Variants in NPAT observed in about 807,000 individuals in gnomAD.
The protein encoded by NPAT is nuclear protein, coactivator of histone transcription.
In NPAT, 52 loss-of-function variants were observed where a neutral mutation model predicts 130.7. That is an observed-to-expected ratio of 0.40 (90% confidence interval 0.32 to 0.50). The LOEUF is 0.50. Among genes scored for constraint, NPAT ranks in the 20% least tolerant of loss-of-function variants. NPAT has a pLI of 0.68. For synonymous variants in NPAT, 580 were observed against 584.8 expected, an observed-to-expected ratio of 0.99 and a Z score of 0.12; for missense variants, 1,687 against 1,662.6, an observed-to-expected ratio of 1.01 and a Z score of -0.26.
chr11:108,182,473 A>G (rs748920586), intron 10 of NPAT, among the ~76,000 whole-genome samples: 12 of 152,124 alleles, frequency 7.9e-5, no homozygotes, highest in Non-Finnish European at 1.6e-4. Flanking sequence ...AATTCCCTAT[A>G]CTGTCTTAAA....
At position 108,190,620 on chromosome 11, in the gene NPAT, G is replaced by C. The variant is rs960587475; in HGVS notation, c.291-120C>G. 40 of 796,206 alleles carry C rather than the reference G, an allele frequency of 5.0e-5. No individual in the cohort carries two copies. The South Asian group carries it at 5.8e-4, about 11-fold the overall frequency. 49.3% of individuals were successfully genotyped at this position (796,206 alleles called of 1,614,324 possible). A position where few individuals can be genotyped will look rare whatever the true frequency, so the allele number is the denominator to read the frequency against. On this transcript the variant is annotated intron_variant, in intron 4 of 17. Coordinates refer to ENST00000278612, the MANE Select transcript of NPAT (RefSeq NM_002519.3). ...GGTAAAAGGCAAAAAATCTCTCTCAGACAAAAAAGACAAACACACACATTT... is the reference window on the plus strand; with the variant it reads ...GGTAAAAGGCAAAAAATCTCTCTCACACAAAAAAGACAAACACACACATTT...
rs1481729052 is a variant in NPAT at position 108,218,913 on chromosome 11, TAAAC to T, written c.37+3583_37+3586del. Among the ~76,000 whole-genome samples, 7 of 152,322 alleles carry T rather than the reference TAAAC, an allele frequency of 4.6e-5. No homozygotes were observed. In the South Asian group the frequency reaches 6.2e-4, roughly 14 times the overall value. On this transcript the variant is annotated intron_variant, in intron 1 of 17. Coordinates refer to ENST00000278612, the MANE Select transcript of NPAT (RefSeq NM_002519.3). ...AGCAATGAGTACATATATTATTAAATAAACAAAGGAGTGTCATAATCAGAGCCAT... is the reference window on the plus strand; with the variant it reads ...AGCAATGAGTACATATATTATTAAATAAAGGAGTGTCATAATCAGAGCCAT...
At chr11:108,188,226 T>C (rs778924126) in intron 6 of NPAT, 47 bp from the exon 7 acceptor site, 1 of 1,373,564 alleles carries the variant, frequency 7.3e-7, no homozygotes, top group Non-Finnish European at 1.0e-6. Flanking sequence ...ACTGAATAGT[T>C]TTCTAAACTT....
Position 108,159,003 on chromosome 11 carries a change from C to A in NPAT, c.4223G>T (p.Ser1408Ile). 1 of 1,606,580 alleles carries A rather than the reference C, an allele frequency of 6.2e-7. No homozygotes were observed. Among genetic ancestry groups the A allele is most frequent in the Non-Finnish European group, 8.5e-7 (1 of 1,176,684 alleles). The change falls in exon 18 of 18, where the codon AGT (serine) becomes ATT (isoleucine). Residue 1408 changes from serine to isoleucine, a missense_variant. Physicochemically the swap from Ser to Ile is moderately radical, Grantham distance 142. Around this residue, in one of 3 missense-constraint regions of NPAT, gnomAD observed 1,379 missense variants for 1,346.6 expected, o/e 1.02. Coordinates refer to ENST00000278612, the MANE Select transcript of NPAT (RefSeq NM_002519.3). ...KKKIKKKKLP[S>I]SFPAGMDVDK... Reference sequence around the variant, plus strand: ...TACATCCATTCCTGCTGGAAATGAACTGGGAAGCTTCTTTTTCTGTTGAAA... The same window carrying A: ...TACATCCATTCCTGCTGGAAATGAAATGGGAAGCTTCTTTTTCTGTTGAAA...
chr11:108,162,534 A>G (rs1045049839), intron 15 of NPAT, among the ~76,000 whole-genome samples: 3 of 152,208 alleles, frequency 2.0e-5, no homozygotes, highest in Admixed American at 6.5e-5. Context: ...AGGTTCAAGC[A>G]ATTCTCCTGC....
intron 8 of NPAT, 117 bp downstream of exon 8, chr11:108,186,365 A>G: frequency 1.3e-6 from 1 of 775,166 alleles, no homozygotes; most frequent in Non-Finnish European, 2.2e-6. Flanking sequence ...ACAGATATCT[A>G]TAAACTTACT....
intron 1 of NPAT, among the ~76,000 whole-genome samples, chr11:108,202,102 A>G (rs1183986139): frequency 6.6e-6 from 1 of 152,180 alleles, no homozygotes; most frequent in Non-Finnish European, 1.5e-5. Context: ...AAGCAAAGGG[A>G]AAGCAGTTAA....
At chr11:108,197,231 G>A (rs2078231194) in intron 2 of NPAT, 71 bp downstream of exon 2, 3 of 1,099,772 alleles carry the variant, frequency 2.7e-6, no homozygotes, top group Non-Finnish European at 2.8e-6. Flanking sequence ...TTTCTGATAA[G>A]CTGATTTTAT....
Position 108,173,360 on chromosome 11 carries a change from C to G in NPAT, c.1624G>C (p.Gly542Arg). The change falls in exon 13 of 18, where the codon GGA becomes CGA. Residue 542 changes from glycine (G) to arginine (R), a missense_variant. Gly to Arg is a moderately radical substitution (Grantham distance 125). This residue lies in a region of NPAT where 1,379 missense variants were observed against 1,346.6 expected (regional missense o/e 1.02). Transcript: ENST00000278612. The part of the protein sequence containing the change: ...QLLSQDTSLT[G>R]KPSKKSQFCE... ...AATTGACTTTTTTTAGATGGCTTTC[C>G]AGTTAATGAAGTATCTTGGGATAAA... is the stretch of plus-strand genomic sequence containing the variant. 3.1e-6 allele frequency: 5 copies of G among 1,613,464 alleles called. No homozygotes were observed. The highest frequency in any genetic ancestry group is 4.2e-6 in the Non-Finnish European group (5 of 1,179,570).
At chr11:108,214,001 C>T (rs1172223551) in intron 1 of NPAT, among the ~76,000 whole-genome samples, 1 of 152,150 alleles carries the variant, frequency 6.6e-6, no homozygotes, top group Non-Finnish European at 1.5e-5. Flanking sequence ...GATCCTCCCA[C>T]TTCAGCCAAC....
intron 1 of NPAT, among the ~76,000 whole-genome samples, chr11:108,218,518 T>C (rs937879023): frequency 2.6e-5 from 4 of 152,242 alleles, no homozygotes; most frequent in African/African-American, 7.2e-5. Flanking sequence ...TGTTGTCTTA[T>C]ATTACTAGAT....
intron 13 of NPAT, chr11:108,171,878 C>A: frequency 8.1e-6 from 2 of 245,928 alleles, no homozygotes; most frequent in Non-Finnish European, 1.6e-5. Context: ...TAAAAACTCC[C>A]CCACAACATT....
intron 1 of NPAT, among the ~76,000 whole-genome samples, chr11:108,215,355 C>G (rs1205028358): frequency 6.6e-6 from 1 of 152,076 alleles, no homozygotes; most frequent in Non-Finnish European, 1.5e-5. Flanking sequence ...AAGGGAACAA[C>G]ACACACTGGG....
chr11:108,180,809 C>A (rs1423930544), intron 10 of NPAT, among the ~76,000 whole-genome samples: 1 of 152,184 alleles, frequency 6.6e-6, no homozygotes, highest in Non-Finnish European at 1.5e-5. Flanking sequence ...TCCATTGATA[C>A]ATGAATGGAT....
intron 10 of NPAT, among the ~76,000 whole-genome samples, chr11:108,179,814 AAAAAG>A (rs1211063635): frequency 6.6e-6 from 1 of 152,088 alleles, no homozygotes; most frequent in Non-Finnish European, 1.5e-5. Context: ...AAAATAAAAT[AAAAAG>A]AAATCATAAG....
intron 1 of NPAT, 109 bp downstream of exon 1, chr11:108,222,391 G>C: frequency 8.6e-7 from 1 of 1,164,576 alleles, no homozygotes; most frequent in Non-Finnish European, 1.3e-6. Flanking sequence ...TCGTAAGCTG[G>C]GAGGCAAAAC....
chr11:108,221,820 A>G (rs1591426806), intron 1 of NPAT, among the ~76,000 whole-genome samples: 1 of 152,326 alleles, frequency 6.6e-6, no homozygotes, highest in East Asian at 1.9e-4. Flanking sequence ...CAGACAAGTG[A>G]CCCACAAACA....
chr11:108,162,856 C>A (rs1159106778), intron 15 of NPAT, among the ~76,000 whole-genome samples: 1 of 152,178 alleles, frequency 6.6e-6, no homozygotes, highest in Non-Finnish European at 1.5e-5. Flanking sequence ...TTTTAAAATT[C>A]TGTCCCGGTA....
chr11:108,172,318 A>G lies in NPAT; in HGVS notation c.2666T>C (p.Val889Ala), dbSNP rs781544830. 9 of 1,614,064 alleles carry G rather than the reference A, an allele frequency of 5.6e-6. No homozygotes were observed. The highest frequency in any genetic ancestry group is 7.6e-6 in the Non-Finnish European group (9 of 1,180,028). ...CATAGGTGCAGAATTTCCAGGCAACACCACTACATTAGACTGACTTACAGA... is the reference window on the plus strand; with the variant it reads ...CATAGGTGCAGAATTTCCAGGCAACGCCACTACATTAGACTGACTTACAGA... ...GTSVSQSNVV[V>A]LPGNSAPMTA... The change falls in exon 13 of 18, where the codon GTG (valine) becomes GCG (alanine). Residue 889 changes from valine to alanine, a missense_variant. Physicochemically the swap from Val to Ala is moderately conservative, Grantham distance 64. This residue lies in a region of NPAT where 1,379 missense variants were observed against 1,346.6 expected (regional missense o/e 1.02). Coordinates refer to ENST00000278612, the MANE Select transcript of NPAT (RefSeq NM_002519.3).
Sources: allele counts gnomAD v4.1 joint callset (sites outside exome capture counted in the v4.1 genomes callset), GRCh38; gene constraint gnomAD v4.1.1; regional missense constraint gnomAD v4.1.1; transcripts MANE v1.5; gene names NCBI Gene and HGNC (gene_info 2026-07-23, HGNC 2026-07-21).